Variants in LRRC37A2 observed in about 807,000 individuals in gnomAD.
LRRC37A2 encodes the protein leucine-rich repeat-containing protein 37A2.
A neutral mutation model predicts 68.8 loss-of-function variants in LRRC37A2; 9 were observed. The observed-to-expected ratio is 0.13, with a 90% CI of 0.08 to 0.23. The LOEUF is 0.23. LRRC37A2 is among the 10% of genes least tolerant of loss of function. LRRC37A2 has a pLI of 1.00. For missense variants in LRRC37A2, 168 were observed against 950.4 expected (o/e 0.18, Z 10.82); for synonymous variants, 63 against 367.6 (o/e 0.17, Z 9.48).
At chr17:46,969,058 A>C in the LRRC37A2 span, 1 of 152,550 alleles carries the variant, frequency 6.6e-6, no homozygotes, top group Non-Finnish European at 1.5e-5. Flanking sequence ...CTCATGCTGG[A>C]TGCAGCCGGG....
chr17:46,502,505 T>C, the LRRC37A2 span, among the ~76,000 whole-genome samples: 1 of 150,930 alleles, frequency 6.6e-6, no homozygotes, highest in African/African-American at 2.5e-5. Context: ...TTTCACCATA[T>C]TGGTCAGGCT....
At chr17:46,739,843 C>T in the LRRC37A2 span, among the ~76,000 whole-genome samples, 136 of 151,994 alleles carry the variant, frequency 8.9e-4, no homozygotes, top group African/African-American at 2.7e-3. Context: ...GGACTACAGG[C>T]GCACACCACC....
the LRRC37A2 span, among the ~76,000 whole-genome samples, chr17:46,812,794 C>T: frequency 4.6e-5 from 7 of 152,178 alleles, no homozygotes; most frequent in Non-Finnish European, 7.3e-5. Flanking sequence ...GGCTCCAGGG[C>T]TTCAGTGAGC....
the LRRC37A2 span, among the ~76,000 whole-genome samples, chr17:46,746,373 G>A: frequency 6.6e-6 from 1 of 152,180 alleles, no homozygotes. Context: ...CCCATTCTTG[G>A]CACAGCAGGT....
At chr17:46,931,281 A>G in the LRRC37A2 span, 1 of 821,196 alleles carries the variant, frequency 1.2e-6, no homozygotes, top group Non-Finnish European at 2.2e-6. Context: ...GGGGGAGGTG[A>G]TAGAATATTC....
At chr17:46,851,433 C>T in the LRRC37A2 span, among the ~76,000 whole-genome samples, 1 of 151,072 alleles carries the variant, frequency 6.6e-6, no homozygotes. This position sits in a 1 kb window ranked among gnomAD's most constrained non-coding sequence, Gnocchi z 4.3. Context: ...GGCGGCTGCC[C>T]CACCCGCGAC....
At chr17:46,725,314 T>C in the LRRC37A2 span, among the ~76,000 whole-genome samples, 1 of 152,060 alleles carries the variant, frequency 6.6e-6, no homozygotes, top group Non-Finnish European at 1.5e-5. Flanking sequence ...CACAGTCCAG[T>C]GGGGAGACAG....
chr17:46,769,025 C>G, the LRRC37A2 span, among the ~76,000 whole-genome samples: 1 of 152,164 alleles, frequency 6.6e-6, no homozygotes, highest in African/African-American at 2.4e-5. Flanking sequence ...CTTCTCACAG[C>G]GCATGAAATA....
chr17:46,789,816 C>T, the LRRC37A2 span, among the ~76,000 whole-genome samples: 8 of 152,350 alleles, frequency 5.3e-5, no homozygotes, highest in Admixed American at 2.0e-4. Context: ...CAGATGCGCA[C>T]GCAGGAGGCA....
chr17:46,907,775 G>C, the LRRC37A2 span, among the ~76,000 whole-genome samples: 2 of 151,006 alleles, frequency 1.3e-5, no homozygotes, highest in Admixed American at 6.6e-5. Flanking sequence ...AGGATCGCTT[G>C]AGCCCAGGAG....
chr17:46,820,033 A>G, the LRRC37A2 span, among the ~76,000 whole-genome samples: 1 of 152,064 alleles, frequency 6.6e-6, no homozygotes, highest in Non-Finnish European at 1.5e-5. Flanking sequence ...GAATGAGCCG[A>G]CCCGAGTCCC....
chr17:46,492,986 G>A, the LRRC37A2 span, among the ~76,000 whole-genome samples: 2 of 147,066 alleles, frequency 1.4e-5, no homozygotes, highest in African/African-American at 2.6e-5. Flanking sequence ...GAGCCACTGC[G>A]CCTGGCCTCA....
chr17:46,816,908 T>G, the LRRC37A2 span, among the ~76,000 whole-genome samples: 1 of 152,186 alleles, frequency 6.6e-6, no homozygotes, highest in Middle Eastern at 3.2e-3. Flanking sequence ...GGACTGGTGT[T>G]GGCAGCAGCC....
the LRRC37A2 span, among the ~76,000 whole-genome samples, chr17:46,667,460 CTTTTTTT>C: frequency 7.8e-5 from 10 of 128,216 alleles, 1 homozygote; most frequent in Admixed American, 4.9e-4. Flanking sequence ...GTTTGATTTT[CTTTTTTT>C]TTTTTTTTTA....
the LRRC37A2 span, chr17:47,024,726 G>T: frequency 1.1e-6 from 1 of 875,136 alleles, no homozygotes; most frequent in Non-Finnish European, 2.0e-6. Context: ...GGATTCATTT[G>T]AAGGCCTGCT....
chr17:46,997,826 C>T, the LRRC37A2 span, among the ~76,000 whole-genome samples: 1 of 151,922 alleles, frequency 6.6e-6, no homozygotes. Flanking sequence ...AAAAATTTGC[C>T]GGGCATGGTG....
At chr17:46,901,488 C>A in the LRRC37A2 span, among the ~76,000 whole-genome samples, 19 of 152,120 alleles carry the variant, frequency 1.2e-4, no homozygotes, top group African/African-American at 4.6e-4. Flanking sequence ...AGCAAGAGAG[C>A]CAATGCAGCT....
At chr17:46,857,614 G>A in the LRRC37A2 span, among the ~76,000 whole-genome samples, 1 of 152,124 alleles carries the variant, frequency 6.6e-6, no homozygotes, top group Non-Finnish European at 1.5e-5. Context: ...TCTAGGAGTG[G>A]ATTGTTGGAT....
At chr17:46,731,028 C>T in the LRRC37A2 span, among the ~76,000 whole-genome samples, 1 of 152,072 alleles carries the variant, frequency 6.6e-6, no homozygotes, top group South Asian at 2.1e-4. Flanking sequence ...ACCAAGTATA[C>T]ACCTACAAGC....
Sources: allele counts gnomAD v4.1 joint callset (sites outside exome capture counted in the v4.1 genomes callset), GRCh38; gene constraint gnomAD v4.1.1; non-coding constraint Gnocchi (gnomAD v3.1); transcripts MANE v1.5; gene names NCBI Gene and HGNC (gene_info 2026-07-23, HGNC 2026-07-21).